The following SYT9 variants were observed in gnomAD, a reference collection of about 807,000 sequenced individuals.
SYT9 encodes synaptotagmin 9.
In SYT9, 22 loss-of-function variants were observed where a neutral mutation model predicts 48.4. The observed-to-expected ratio is 0.45, with a 90% CI of 0.32 to 0.65. The LOEUF (loss-of-function observed/expected upper bound fraction) is 0.65. SYT9 is among the 30% of genes least tolerant of loss of function. SYT9 has a pLI of 0.03. For missense variants in SYT9, 577 were observed against 622.0 expected, an observed-to-expected ratio of 0.93 and a Z score of 0.77; for synonymous variants, 265 against 245.0, an observed-to-expected ratio of 1.08 and a Z score of -0.76.
Position 7,320,506 on chromosome 11 carries a change from G to A in SYT9, c.1044+6565G>A, listed in dbSNP as rs138415423. On this transcript the variant is annotated intron_variant, in intron 3 of 6. Coordinates refer to ENST00000318881, the MANE Select transcript of SYT9 (RefSeq NM_175733.4). ...AAAACCCACATTTGGTTTGCTTCCT[G>A]CTGGGTGCTCAACCTCTAGAATGGT... is the stretch of plus-strand genomic sequence containing the variant. 5.6e-3 allele frequency among the ~76,000 whole-genome samples: 846 copies of A among 152,240 alleles called. 7 individuals carry two copies. Among genetic ancestry groups the A allele is most frequent in the Non-Finnish European group, 7.9e-3 (540 of 68,016 alleles).
intron 2 of SYT9, 86 bp from the exon 3 acceptor site, chr11:7,313,309 A>C: frequency 7.3e-7 from 1 of 1,368,626 alleles, no homozygotes. Context: ...AAAATATAAC[A>C]GTCTACCTAC....
At chr11:7,453,375 C>A (rs763939489) in intron 6 of SYT9, among the ~76,000 whole-genome samples, 1 of 152,164 alleles carries the variant, frequency 6.6e-6, no homozygotes, top group Non-Finnish European at 1.5e-5. Context: ...GTTCCCATGA[C>A]CATCTTCAGT....
intron 6 of SYT9, among the ~76,000 whole-genome samples, chr11:7,432,580 AAAATATATATACATATATATAT>A (rs1847617838): frequency 2.4e-3 from 15 of 6,174 alleles, no homozygotes; most frequent in East Asian, 6.0e-3. Context: ...AAAAAAAAAA[AAAATATATATACATATATATAT>A]ATATATATAT....
intron 3 of SYT9, among the ~76,000 whole-genome samples, chr11:7,336,603 T>C: frequency 6.6e-6 from 1 of 152,184 alleles, no homozygotes; most frequent in Non-Finnish European, 1.5e-5. Context: ...GGCAGTCTTT[T>C]CCCCATTGCT....
intron 6 of SYT9, among the ~76,000 whole-genome samples, chr11:7,464,809 G>A (rs1371554858): frequency 2.0e-5 from 3 of 152,084 alleles, no homozygotes; most frequent in African/African-American, 7.2e-5. Flanking sequence ...GGGGCCAGGC[G>A]CGGTGGCTCA....
exon 1 of SYT9, chr11:7,238,839 T>A (rs1287802827): frequency 1.5e-5 from 7 of 455,802 alleles, no homozygotes; most frequent in Non-Finnish European, 2.6e-5. Flanking sequence ...GAAAGAATGA[T>A]ATGAAGAAGC....
chr11:7,354,917 G>A (rs1220774709), intron 3 of SYT9, among the ~76,000 whole-genome samples: 2 of 151,904 alleles, frequency 1.3e-5, no homozygotes, highest in Non-Finnish European at 2.9e-5. Context: ...AGATGCTATG[G>A]TACCATTTCT....
At chr11:7,433,763 C>G (rs7927551) in intron 6 of SYT9, among the ~76,000 whole-genome samples, 15,587 of 152,208 alleles carry the variant, frequency 0.1, 870 homozygotes, top group East Asian at 0.25. Context: ...TCACCAGACA[C>G]CAAATCAGCT....
chr11:7,292,285 G>A (rs189371077), intron 1 of SYT9, among the ~76,000 whole-genome samples: 19 of 152,324 alleles, frequency 1.2e-4, no homozygotes, highest in Admixed American at 6.5e-4. Flanking sequence ...CTGAAGAAGT[G>A]TGGAAAAGGG....
chr11:7,404,460 A>G (rs57774147), intron 3 of SYT9, among the ~76,000 whole-genome samples: 4,670 of 152,128 alleles, frequency 0.031, 229 homozygotes, highest in African/African-American at 0.1. Flanking sequence ...TTTATTAGCT[A>G]TAACTCCTTG....
chr11:7,454,059 C>T (rs990885611), intron 6 of SYT9: 2 of 985,438 alleles, frequency 2.0e-6, no homozygotes, highest in Non-Finnish European at 2.4e-6. Flanking sequence ...GGATACCAAT[C>T]CCTAAGTCCA....
At chr11:7,323,008 A>G (rs960214770) in intron 3 of SYT9, among the ~76,000 whole-genome samples, 1 of 152,284 alleles carries the variant, frequency 6.6e-6, no homozygotes, top group Middle Eastern at 3.4e-3. Context: ...GTTCATGTAC[A>G]TAACTAGTTC....
chr11:7,416,133 T>C lies in SYT9; in HGVS notation c.1136T>C (p.Leu379Ser). ...LTITIIKARN[L>S]KAMDITGASD... ...ATTACCATTATAAAAGCAAGGAATT[T>C]AAAGGCAATGGACATAACAGGAGCA... The change falls in exon 4 of 7, where the codon TTA (leucine) becomes TCA (serine). Residue 379 changes from leucine to serine, a missense_variant. Coordinates refer to ENST00000318881, the MANE Select transcript of SYT9 (RefSeq NM_175733.4). 1 of 1,614,170 alleles carries C rather than the reference T, an allele frequency of 6.2e-7. No homozygotes were observed. Among genetic ancestry groups the C allele is most frequent in the East Asian group, 2.2e-5 (1 of 44,888 alleles).
chr11:7,407,360 ATTTTTTTTTTTTTTTT>A lies in SYT9; in HGVS notation c.1045-8666_1045-8651del, dbSNP rs756378336. 7.9e-5 allele frequency among the ~76,000 whole-genome samples: 3 copies of A among 37,756 alleles called. 1 individual carries two copies. The highest frequency in any genetic ancestry group is 1.3e-4 in the Non-Finnish European group (3 of 23,958). The allele number at this position is 37,756 out of a possible 152,430, so 24.8% of individuals were successfully genotyped here. ...CTCAGGTCTTATGTTTAAGTCTATA[ATTTTTTTTTTTTTTTT>A]TTTTTTTTTTTTTTTGAGACGGAGT... On this transcript the variant is annotated intron_variant, in intron 3 of 6. Transcript: ENST00000318881.
intron 1 of SYT9, among the ~76,000 whole-genome samples, chr11:7,297,370 C>T (rs1046952580): frequency 2.6e-5 from 4 of 152,200 alleles, no homozygotes; most frequent in Middle Eastern, 3.4e-3. Flanking sequence ...GTTATTTTAC[C>T]TATAATGTGA....
chr11:7,331,597 G>C (rs1849533219), intron 3 of SYT9, among the ~76,000 whole-genome samples: 1 of 152,056 alleles, frequency 6.6e-6, no homozygotes, highest in South Asian at 2.1e-4. Flanking sequence ...GGTGGCGGGT[G>C]CCTATAGTCC....
chr11:7,414,934 C>T (rs1012797356), intron 3 of SYT9, among the ~76,000 whole-genome samples: 1 of 152,194 alleles, frequency 6.6e-6, no homozygotes, highest in African/African-American at 2.4e-5. Context: ...GACACAGGCA[C>T]CTCAGCTCGA....
chr11:7,386,299 G>A (rs1037003316), intron 3 of SYT9, among the ~76,000 whole-genome samples: 25 of 151,980 alleles, frequency 1.6e-4, no homozygotes, highest in African/African-American at 6.0e-4. Flanking sequence ...TGACAAATAG[G>A]ATCTAATTAA....
chr11:7,319,278 T>A (rs1849298700), intron 3 of SYT9, among the ~76,000 whole-genome samples: 1 of 144,442 alleles, frequency 6.9e-6, no homozygotes, highest in Admixed American at 7.3e-5. Context: ...TGGCAATAAC[T>A]TTCAACTGAA....
Sources: gnomAD v4.1 joint callset for allele counts (sites outside exome capture counted in the v4.1 genomes callset) on GRCh38, gnomAD v4.1.1 for gene constraint, MANE v1.5 for transcripts, NCBI Gene and HGNC (gene_info 2026-07-23, HGNC 2026-07-21) for gene names.